Variants in ESRRB observed in about 807,000 individuals in gnomAD.
ESRRB encodes steroid hormone receptor ERR2.
A neutral mutation model predicts 46.0 loss-of-function variants in ESRRB; 16 were observed. The observed-to-expected ratio is 0.35, with a 90% CI of 0.24 to 0.53. The LOEUF is 0.53. Ranked by LOEUF, ESRRB falls within the 20% of genes least tolerant of loss-of-function variation. ESRRB has a pLI of 0.93. For synonymous variants in ESRRB, 246 were observed against 259.6 expected (o/e 0.95, Z 0.50); for missense variants, 488 against 607.4 (o/e 0.80, Z 2.07).
chr14:76,469,066 T>C (rs1036049451), intron 3 of ESRRB, among the ~76,000 whole-genome samples: 4 of 152,058 alleles, frequency 2.6e-5, no homozygotes, highest in African/African-American at 9.7e-5. Context: ...TCTGAATCGC[T>C]CTCTTCTTTA....
At position 76,322,256 on chromosome 14, in the gene ESRRB, G is replaced by T. The variant is rs547458227; in HGVS notation, c.2+11340G>T. Among the ~76,000 whole-genome samples, 26 of 152,314 alleles carry T rather than the reference G, an allele frequency of 1.7e-4. No homozygotes were observed. The South Asian group carries it at 5.0e-3, about 29-fold the overall frequency. On this transcript the variant is annotated intron_variant, in intron 1 of 6. Coordinates refer to the ESRRB transcript ENST00000512784. ...GACACGTCTGCCAGGTCAGCCCTCT[G>T]TTAATCAGTCTTAGCTTTCCTTTGG...
At chr14:76,486,774 G>C (rs191406475) in intron 5 of ESRRB, among the ~76,000 whole-genome samples, 12 of 152,206 alleles carry the variant, frequency 7.9e-5, no homozygotes, top group Admixed American at 2.0e-4. Flanking sequence ...CAGTGAGCCC[G>C]GCACAGGGAC....
intron 1 of ESRRB, among the ~76,000 whole-genome samples, chr14:76,385,394 T>G (rs1885183358): frequency 6.6e-6 from 1 of 152,180 alleles, no homozygotes; most frequent in Admixed American, 6.5e-5. Flanking sequence ...ATTCCCTTGT[T>G]GGACCCTGAG....
chr14:76,469,629 C>A (rs925848498), intron 3 of ESRRB, among the ~76,000 whole-genome samples: 1 of 152,122 alleles, frequency 6.6e-6, no homozygotes, highest in African/African-American at 2.4e-5. Context: ...CCCACCTTAG[C>A]CCCTCAAAAT....
At chr14:76,489,340 T>G (rs763953377) in intron 5 of ESRRB, among the ~76,000 whole-genome samples, 1 of 151,874 alleles carries the variant, frequency 6.6e-6, no homozygotes, top group Admixed American at 6.6e-5. Flanking sequence ...AAAGACCTGA[T>G]AAGGGAAATT....
In ESRRB at chr14:76,354,225, C is replaced by CT. The variant is rs1491160838; in HGVS notation, c.2+43309_2+43310insT. ...CTTGGCCCCCAGGGTCCTCTACCCG[C>CT]CCCCCCCCCCACCCACACTTCCACC... is the stretch of plus-strand genomic sequence containing the variant. On this transcript the variant is annotated intron_variant, in intron 1 of 6. Coordinates refer to the ESRRB transcript ENST00000512784. Among the ~76,000 whole-genome samples, 7 of 47,402 alleles carry CT rather than the reference C, an allele frequency of 1.5e-4. No homozygotes were observed. In the East Asian group the frequency reaches 0.012, roughly 81 times the overall value. 31.1% of individuals were successfully genotyped at this position (47,402 alleles called of 152,430 possible).
At chr14:76,377,776 C>T (rs912688280) in intron 1 of ESRRB, among the ~76,000 whole-genome samples, 19 of 152,230 alleles carry the variant, frequency 1.2e-4, no homozygotes, top group Admixed American at 5.9e-4. Flanking sequence ...ACCTCCACCA[C>T]GGTGCACCCC....
At chr14:76,350,839 T>C (rs1465812467) in intron 1 of ESRRB, among the ~76,000 whole-genome samples, 1 of 152,122 alleles carries the variant, frequency 6.6e-6, no homozygotes, top group Non-Finnish European at 1.5e-5. Flanking sequence ...CTCTGCCCTG[T>C]CCTTCGGCAG....
chr14:76,477,331 G>A (rs776606713), intron 3 of ESRRB, among the ~76,000 whole-genome samples: 40 of 152,200 alleles, frequency 2.6e-4, no homozygotes, highest in Admixed American at 2.6e-4. Context: ...GCATGAGGTG[G>A]CCTGTGAGGT....
intron 1 of ESRRB, among the ~76,000 whole-genome samples, chr14:76,438,457 A>T (rs1230375339): frequency 1.3e-5 from 2 of 152,130 alleles, no homozygotes; most frequent in Non-Finnish European, 2.9e-5. Flanking sequence ...AGGTCAGGAG[A>T]TTGAGACCAG....
In ESRRB at chr14:76,444,466, C is replaced by T. The variant is rs1327890893; in HGVS notation, c.460+4716C>T. The stretch of plus-strand genomic sequence containing the variant: ...GAACTCAGTGAGCATTCTTTGAGTC[C>T]CTCTCTGAGTAAGGTGCAGAGGGGG... On this transcript the variant is annotated intron_variant, in intron 2 of 6. Coordinates refer to ENST00000644823, the MANE Select transcript of ESRRB (RefSeq NM_001379180.1). Among the ~76,000 whole-genome samples, 5 of 151,904 alleles carry T rather than the reference C, an allele frequency of 3.3e-5. No individual in the cohort carries two copies. The South Asian group carries it at 1.0e-3, about 32-fold the overall frequency.
chr14:76,339,428 A>G (rs372799504), intron 1 of ESRRB, among the ~76,000 whole-genome samples: 91 of 152,324 alleles, frequency 6.0e-4, no homozygotes, highest in African/African-American at 2.1e-3. Context: ...AATGGTAGCC[A>G]TCGTCATTAC....
intron 2 of ESRRB, among the ~76,000 whole-genome samples, chr14:76,457,848 T>C (rs1172788888): frequency 6.6e-6 from 1 of 152,066 alleles, no homozygotes; most frequent in Non-Finnish European, 1.5e-5. Flanking sequence ...AATTTTTTTA[T>C]ATTGTTGGTA....
intron 1 of ESRRB, among the ~76,000 whole-genome samples, chr14:76,353,109 C>T (rs1884334405): frequency 6.6e-6 from 1 of 152,246 alleles, no homozygotes; most frequent in South Asian, 2.1e-4. Flanking sequence ...AAAGCTGCCT[C>T]GCTCTGCGGC....
intron 3 of ESRRB, among the ~76,000 whole-genome samples, chr14:76,469,478 G>A (rs564757336): frequency 5.9e-5 from 9 of 152,000 alleles, no homozygotes; most frequent in Non-Finnish European, 1.2e-4. Context: ...CATTTCATTA[G>A]CACACAAGTA....
At chr14:76,451,889 C>T (rs1888396882) in intron 2 of ESRRB, among the ~76,000 whole-genome samples, 1 of 150,342 alleles carries the variant, frequency 6.7e-6, no homozygotes, top group African/African-American at 2.5e-5. Flanking sequence ...CCTTGGCCTC[C>T]TAAAGTGCCA....
chr14:76,482,746 C>T lies in ESRRB; in HGVS notation c.837C>T (p.Ala279=), dbSNP rs748988002. ...DRELVVIIGW[A]KHIPGFSSLS... is the part of the protein sequence containing the mutation. The stretch of plus-strand genomic sequence containing the variant: ...AGCTTGTGGTCATCATTGGCTGGGC[C>T]AAGCACATCCCAGGTGAGCATGTGG... The change falls in exon 5 of 7, where the codon GCC becomes GCT. Residue 279 remains alanine (A), a synonymous_variant. Coordinates refer to ENST00000644823, the MANE Select transcript of ESRRB (RefSeq NM_001379180.1). This position sits in a 1 kb window ranked among gnomAD's most constrained non-coding sequence, Gnocchi z 4.3. 6.2e-7 allele frequency: 1 copy of T among 1,613,982 alleles called. No homozygotes were observed. Among genetic ancestry groups the T allele is most frequent in the African/African-American group, 1.3e-5 (1 of 74,910 alleles).
chr14:76,469,360 G>T (rs541118428), intron 3 of ESRRB, among the ~76,000 whole-genome samples: 47 of 152,138 alleles, frequency 3.1e-4, no homozygotes, highest in Admixed American at 1.3e-3. Flanking sequence ...CTCCCCAAGT[G>T]CTGGGATTGC....
At chr14:76,428,689 G>A (rs529903858) in intron 1 of ESRRB, among the ~76,000 whole-genome samples, 274 of 152,300 alleles carry the variant, frequency 1.8e-3, no homozygotes, top group Middle Eastern at 6.8e-3. Flanking sequence ...AGCTGTCCCA[G>A]GGCAGCCACT....
Sources: gnomAD v4.1 joint callset for allele counts (sites outside exome capture counted in the v4.1 genomes callset) on GRCh38, gnomAD v4.1.1 for gene constraint, Gnocchi (gnomAD v3.1) non-coding constraint, MANE v1.5 for transcripts, NCBI Gene and HGNC (gene_info 2026-07-23, HGNC 2026-07-21) for gene names.